Variants in FGF12 observed in about 807,000 individuals in gnomAD.
The protein encoded by FGF12 is fibroblast growth factor 12B.
A neutral mutation model predicts 23.6 loss-of-function variants in FGF12; 14 were observed. That is an observed-to-expected ratio of 0.59 (90% CI 0.39 to 0.93). The LOEUF (loss-of-function observed/expected upper bound fraction) is 0.93, where lower values mean the gene tolerates loss of function less well. Among genes scored for constraint, FGF12 ranks in the 40% least tolerant of loss-of-function variants. The probability of loss-of-function intolerance (pLI) is 0.00; values close to 1 mark genes in which losing one functional copy is unlikely to be tolerated. For synonymous variants in FGF12, 62 were observed against 77.3 expected (o/e 0.80, Z 1.04); for missense variants, 175 against 217.8 (o/e 0.80, Z 1.24).
intron 4 of FGF12, among the ~76,000 whole-genome samples, chr3:192,299,610 T>A (rs1389121723): frequency 6.6e-6 from 1 of 152,200 alleles, no homozygotes; most frequent in Non-Finnish European, 1.5e-5. Flanking sequence ...CACATTTAAC[T>A]TTGTTCTAGG....
chr3:192,541,024 GTC>G (rs1038954186), intron 2 of FGF12, among the ~76,000 whole-genome samples: 4 of 152,020 alleles, frequency 2.6e-5, no homozygotes, highest in East Asian at 3.9e-4. Context: ...GTTTATGTGT[GTC>G]TTTATGGAAA....
chr3:192,154,694 G>C (rs1714259547), intron 5 of FGF12, among the ~76,000 whole-genome samples: 1 of 141,264 alleles, frequency 7.1e-6, no homozygotes, highest in Non-Finnish European at 1.5e-5. Flanking sequence ...GCTGCGTGCT[G>C]GGAGAACCAC....
intron 2 of FGF12, among the ~76,000 whole-genome samples, chr3:192,567,761 C>CTT (rs1338389702): frequency 2.4e-5 from 3 of 127,498 alleles, no homozygotes; most frequent in Non-Finnish European, 5.1e-5. Flanking sequence ...TTCTTTCTTT[C>CTT]TTTCTTTCTT....
At chr3:192,433,102 C>T (rs2108791562) in intron 2 of FGF12, among the ~76,000 whole-genome samples, 1 of 152,218 alleles carries the variant, frequency 6.6e-6, no homozygotes, top group African/African-American at 2.4e-5. Context: ...CCAGGGAATT[C>T]CTAGAAAGGG....
intron 2 of FGF12, among the ~76,000 whole-genome samples, chr3:192,469,720 G>A (rs1391129509): frequency 6.6e-6 from 1 of 152,170 alleles, no homozygotes; most frequent in Admixed American, 6.5e-5. Context: ...GTTTGTAGTT[G>A]TGGAAACTGA....
intron 2 of FGF12, among the ~76,000 whole-genome samples, chr3:192,513,804 G>GA (rs921981886): frequency 6.6e-6 from 1 of 152,156 alleles, no homozygotes; most frequent in African/African-American, 2.4e-5. Flanking sequence ...TTTGTAAAAG[G>GA]AAAATCAAGA....
rs755560177 is a variant in FGF12, at chr3:192,305,854, G to GTTTTT, written c.228+29502_228+29506dup. 2.0e-3 allele frequency among the ~76,000 whole-genome samples: 155 copies of GTTTTT among 77,448 alleles called. 7 individuals carry two copies. The highest frequency in any genetic ancestry group is 4.0e-3 in the African/African-American group (63 of 15,768). 50.8% of individuals were successfully genotyped at this position (77,448 alleles called of 152,430 possible). A position where few individuals can be genotyped will look rare whatever the true frequency, so the allele number is the denominator to read the frequency against. On this transcript the variant is annotated intron_variant, in intron 4 of 5. Coordinates refer to ENST00000445105, the MANE Select transcript of FGF12 (RefSeq NM_004113.6). ...TGACACTGCTCAATCCATCTCTCTG[G>GTTTTT]TTTTTTTTTTTTTTTTTTTTTTTTG...
intron 5 of FGF12, among the ~76,000 whole-genome samples, chr3:192,167,777 T>TATATAAAA (rs1560175846): frequency 2.6e-5 from 1 of 38,262 alleles, no homozygotes; most frequent in Non-Finnish European, 7.0e-5. Context: ...ATAAAATTTT[T>TATATAAAA]TTTTTTTTTT....
At chr3:192,148,588 T>C (rs976183031) in intron 5 of FGF12, among the ~76,000 whole-genome samples, 1 of 152,200 alleles carries the variant, frequency 6.6e-6, no homozygotes, top group African/African-American at 2.4e-5. Context: ...TTAAAAATGA[T>C]TAAAATGGTA....
At chr3:192,403,938 A>G (rs1418489720) in intron 2 of FGF12, among the ~76,000 whole-genome samples, 1 of 152,182 alleles carries the variant, frequency 6.6e-6, no homozygotes, top group South Asian at 2.1e-4. Flanking sequence ...TATTTTGAAT[A>G]ACCATAATTT....
intron 3 of FGF12, among the ~76,000 whole-genome samples, chr3:192,351,908 T>C (rs1472974226): frequency 6.6e-6 from 1 of 152,126 alleles, no homozygotes; most frequent in Non-Finnish European, 1.5e-5. Context: ...TTTTGAAGGG[T>C]GAGAGTGGCT....
chr3:192,689,268 A>G (rs978052344), intron 2 of FGF12, among the ~76,000 whole-genome samples: 1 of 152,176 alleles, frequency 6.6e-6, no homozygotes, highest in African/African-American at 2.4e-5. Context: ...AATGATAAAT[A>G]CTTAAAGTGA....
At chr3:192,586,032 AG>A in intron 2 of FGF12, among the ~76,000 whole-genome samples, 1 of 149,382 alleles carries the variant, frequency 6.7e-6, no homozygotes, top group Middle Eastern at 3.5e-3. Flanking sequence ...AGTCCATAAA[AG>A]AAAAAAATCA....
At position 192,176,825 on chromosome 3, in the gene FGF12, T is replaced by C. The variant is rs146948545; in HGVS notation, c.229-6169A>G. Among the ~76,000 whole-genome samples the C allele has an allele frequency of 1.1e-3, 172 of 152,366 alleles. 1 individual carries two copies. In the East Asian group the frequency reaches 0.023, roughly 20 times the overall value. On this transcript the variant is annotated intron_variant, in intron 4 of 5. Transcript: ENST00000445105. ...GGTTGCAAGCAAATTTTGTTCAAGA[T>C]GTAAATATAACATTGTGGATCACAT... is the stretch of plus-strand genomic sequence containing the variant.
intron 2 of FGF12, among the ~76,000 whole-genome samples, chr3:192,568,906 T>C (rs918775219): frequency 1.3e-5 from 2 of 152,134 alleles, no homozygotes; most frequent in South Asian, 2.1e-4. Flanking sequence ...ATAACATTTA[T>C]TCAACCTTCG....
At chr3:192,500,704 C>CCCTACTATGACTG (rs1244661750) in intron 2 of FGF12, among the ~76,000 whole-genome samples, 1 of 152,178 alleles carries the variant, frequency 6.6e-6, no homozygotes. Context: ...TATGCATTCC[C>CCCTACTATGACTG]AAGTGAAATA....
intron 4 of FGF12, among the ~76,000 whole-genome samples, chr3:192,176,420 A>C (rs1715866239): frequency 6.6e-6 from 1 of 152,224 alleles, no homozygotes; most frequent in Admixed American, 6.5e-5. Context: ...TCACAGGGAC[A>C]TAATCCTCTT....
rs1224370354 is a variant in FGF12, at chr3:192,408,269, C to T, written c.14-47731G>A. The T allele has an allele frequency of 6.6e-6, 10 of 1,519,586 alleles. No individual in the cohort carries two copies. The highest frequency in any genetic ancestry group is 2.4e-4 in the Middle Eastern group (1 of 4,148). 94.1% of individuals were successfully genotyped at this position (1,519,586 alleles called of 1,614,324 possible). On this transcript the variant is annotated intron_variant, in intron 2 of 5. Transcript: ENST00000445105. The surrounding 1 kb of genome is among the most constrained non-coding windows in gnomAD (Gnocchi z 7.3). The stretch of plus-strand genomic sequence containing the variant: ...AGGCCCCAGCCTCTACTGCGCCCTC[C>T]GGCTTGCGCTCCGCCGGGGCGAGGG...
At chr3:192,483,811 T>C (rs1723547769) in intron 2 of FGF12, among the ~76,000 whole-genome samples, 1 of 152,104 alleles carries the variant, frequency 6.6e-6, no homozygotes, top group Non-Finnish European at 1.5e-5. Flanking sequence ...TTATTTGTGG[T>C]AAAGGTAGAG....
Sources: gnomAD v4.1 joint callset for allele counts (sites outside exome capture counted in the v4.1 genomes callset) on GRCh38, gnomAD v4.1.1 for gene constraint, Gnocchi (gnomAD v3.1) non-coding constraint, MANE v1.5 for transcripts, NCBI Gene and HGNC (gene_info 2026-07-23, HGNC 2026-07-21) for gene names.